The following MCC variants were observed in gnomAD, a reference collection of about 807,000 sequenced individuals.
The protein encoded by MCC is colorectal mutant cancer protein.
In MCC, 90 loss-of-function variants were observed where a neutral mutation model predicts 116.2. That is an observed-to-expected ratio of 0.77 (90% confidence interval 0.65 to 0.92). The LOEUF (loss-of-function observed/expected upper bound fraction) is 0.92. Ranked by LOEUF, MCC falls within the 40% of genes least tolerant of loss-of-function variation. MCC has a pLI of 0.00. For synonymous variants in MCC, 578 were observed against 510.5 expected, an observed-to-expected ratio of 1.13 and a Z score of -1.78; for missense variants, 1,516 against 1,312.2, an observed-to-expected ratio of 1.16 and a Z score of -2.40.
chr5:113,455,779 TG>T (rs1156650113), intron 1 of MCC, among the ~76,000 whole-genome samples: 1 of 152,230 alleles, frequency 6.6e-6, no homozygotes, highest in African/African-American at 2.4e-5. Context: ...AAATAGACTC[TG>T]GTCAGTTCAA....
chr5:113,030,898 T>C (rs1750909077), intron 17 of MCC, among the ~76,000 whole-genome samples: 1 of 152,250 alleles, frequency 6.6e-6, no homozygotes, highest in African/African-American at 2.4e-5. Flanking sequence ...TCACTCACTT[T>C]TGCATTGCCA....
intron 3 of MCC, among the ~76,000 whole-genome samples, chr5:113,182,067 C>T (rs938283773): frequency 6.6e-6 from 1 of 152,182 alleles, no homozygotes; most frequent in Non-Finnish European, 1.5e-5. Flanking sequence ...CTGGAAGCAT[C>T]CTGTGTGTAA....
intron 16 of MCC, among the ~76,000 whole-genome samples, chr5:113,047,420 T>C (rs1752168190): frequency 6.6e-6 from 1 of 152,192 alleles, no homozygotes; most frequent in African/African-American, 2.4e-5. Flanking sequence ...GCCACAGCTG[T>C]GTCTTGTCTT....
rs532428283 is a variant in MCC, at chr5:113,270,889, C to T, written c.627+69630G>A. On this transcript the variant is annotated intron_variant, in intron 3 of 18. Coordinates refer to ENST00000408903, the MANE Select transcript of MCC (RefSeq NM_001085377.2). ...CAGAAAGATAACTGCTTCACTTTAC[C>T]TCTTAAATTGCCCTGCAAAAAATAT... 3.3e-5 allele frequency among the ~76,000 whole-genome samples: 5 copies of T among 151,894 alleles called. No individual in the cohort carries two copies. In the East Asian group the frequency reaches 9.7e-4, roughly 30 times the overall value.
At chr5:113,301,364 C>T (rs1439865272) in intron 3 of MCC, among the ~76,000 whole-genome samples, 1 of 151,902 alleles carries the variant, frequency 6.6e-6, no homozygotes, top group African/African-American at 2.4e-5. Flanking sequence ...ACTTGGGAGG[C>T]TGAGGGAGGA....
At chr5:113,460,471 C>A (rs1771713121) in intron 1 of MCC, among the ~76,000 whole-genome samples, 3 of 152,204 alleles carry the variant, frequency 2.0e-5, no homozygotes, top group Admixed American at 6.5e-5. Context: ...CAAACACACA[C>A]CACACACATT....
chr5:113,331,224 T>C (rs187810104), intron 3 of MCC, among the ~76,000 whole-genome samples: 18 of 148,398 alleles, frequency 1.2e-4, no homozygotes, highest in Admixed American at 7.3e-4. Context: ...CAACGATCTG[T>C]ACTGTGGTGT....
At chr5:113,139,219 C>A (rs527320978) in intron 5 of MCC, among the ~76,000 whole-genome samples, 2 of 152,142 alleles carry the variant, frequency 1.3e-5, no homozygotes, top group African/African-American at 4.8e-5. Context: ...CAGTCAACAT[C>A]GCTGATTCCT....
intron 14 of MCC, among the ~76,000 whole-genome samples, chr5:113,061,639 C>T (rs1753225548): frequency 6.6e-6 from 1 of 152,208 alleles, no homozygotes; most frequent in Admixed American, 6.5e-5. Flanking sequence ...CCCTCTGCTG[C>T]TCCTCTCTAA....
intron 1 of MCC, among the ~76,000 whole-genome samples, chr5:113,446,636 C>G (rs1771226445): frequency 6.6e-6 from 1 of 152,136 alleles, no homozygotes; most frequent in Non-Finnish European, 1.5e-5. Context: ...GATGCTAATG[C>G]ACTGTTAGTT....
chr5:113,139,398 G>T (rs1759040783), intron 5 of MCC, among the ~76,000 whole-genome samples: 1 of 152,096 alleles, frequency 6.6e-6, no homozygotes, highest in Admixed American at 6.5e-5. Flanking sequence ...TACAGGAAAA[G>T]TCCTATCAAT....
intron 3 of MCC, among the ~76,000 whole-genome samples, chr5:113,265,759 A>G (rs559032060): frequency 1.1e-3 from 169 of 152,134 alleles, no homozygotes; most frequent in African/African-American, 4.0e-3. Flanking sequence ...CCTCTAGTTC[A>G]TACGTCACCA....
rs61263890 is a variant in MCC, at chr5:113,071,238, C to A, written c.1785-4G>T. ...GGATTTGAGGTGCTCAATCCGGCTA[C>A]AAAGGAACAAAAATCAGATTCACAC... On this transcript the variant is annotated splice_polypyrimidine_tract_variant and splice_region_variant and intron_variant, in intron 11 of 18. Coordinates refer to ENST00000408903, the MANE Select transcript of MCC (RefSeq NM_001085377.2). The A allele has an allele frequency of 2.7e-3, 4,326 of 1,612,010 alleles. 127 individuals are homozygous for A. In the African/African-American group the frequency reaches 0.052, roughly 19 times the overall value.
At chr5:113,303,356 A>T (rs1374063646) in intron 3 of MCC, among the ~76,000 whole-genome samples, 3 of 152,228 alleles carry the variant, frequency 2.0e-5, no homozygotes, top group Non-Finnish European at 1.5e-5. Context: ...GTTGGATAGA[A>T]ATTACCTTCC....
intron 5 of MCC, among the ~76,000 whole-genome samples, chr5:113,136,335 T>C (rs1447924413): frequency 6.6e-6 from 1 of 152,160 alleles, no homozygotes; most frequent in African/African-American, 2.4e-5. Flanking sequence ...AACAGAGATC[T>C]GAAATAAGAA....
At chr5:113,082,731 C>A in intron 11 of MCC, 129 bp downstream of exon 11, 2 of 1,129,766 alleles carry the variant, frequency 1.8e-6, no homozygotes, top group Non-Finnish European at 2.5e-6. Context: ...GAACTTCCAT[C>A]CCCACCAGCC....
intron 3 of MCC, among the ~76,000 whole-genome samples, chr5:113,219,694 G>A (rs535063940): frequency 1.3e-5 from 2 of 152,220 alleles, no homozygotes; most frequent in Non-Finnish European, 2.9e-5. Context: ...AGTGAGGTTT[G>A]TTTTCTTAAA....
At chr5:113,106,873 C>T (rs1281013623) in intron 6 of MCC, among the ~76,000 whole-genome samples, 2 of 152,204 alleles carry the variant, frequency 1.3e-5, no homozygotes, top group Admixed American at 1.3e-4. Flanking sequence ...ACATATTGTT[C>T]AGCTCTCAGC....
chr5:113,465,127 G>A (rs761572991), intron 1 of MCC, among the ~76,000 whole-genome samples: 1 of 149,766 alleles, frequency 6.7e-6, no homozygotes, highest in Non-Finnish European at 1.5e-5. Flanking sequence ...GGGAGACAAT[G>A]AGGAAGGGAG....
Sources: allele counts gnomAD v4.1 joint callset (sites outside exome capture counted in the v4.1 genomes callset), GRCh38; gene constraint gnomAD v4.1.1; transcripts MANE v1.5; gene names NCBI Gene and HGNC (gene_info 2026-07-23, HGNC 2026-07-21).